DCLK1: variants seen among roughly 807,000 people sequenced by gnomAD.
The protein encoded by DCLK1 is serine/threonine-protein kinase DCLK1.
Under a neutral mutation model 86.2 loss-of-function variants are expected in DCLK1, and 16 were observed. The observed-to-expected ratio is 0.19, with a 90% CI of 0.13 to 0.28. The LOEUF is 0.28. Ranked by LOEUF, DCLK1 falls within the 10% of genes least tolerant of loss-of-function variation. The pLI is 1.00. For missense variants in DCLK1, 590 were observed against 940.2 expected, an observed-to-expected ratio of 0.63 and a Z score of 4.87; for synonymous variants, 369 against 370.5, an observed-to-expected ratio of 1.00 and a Z score of 0.05.
intron 6 of DCLK1, chr13:35,847,613 T>G (rs1870273304): frequency 1.5e-6 from 1 of 688,604 alleles, no homozygotes; most frequent in South Asian, 7.0e-5. Flanking sequence ...TTCATTGTTT[T>G]TAAGCAAAAA....
chr13:35,831,288 CAT>C (rs1321843874), intron 8 of DCLK1, among the ~76,000 whole-genome samples: 1 of 152,060 alleles, frequency 6.6e-6, no homozygotes, highest in Non-Finnish European at 1.5e-5. Flanking sequence ...TAATAAAATC[CAT>C]AATAAAAGCC....
intron 6 of DCLK1, chr13:35,849,836 T>C: frequency 1.0e-6 from 1 of 983,986 alleles, no homozygotes. Context: ...TTGGAAAAAG[T>C]CCAGACACAA....
chr13:35,838,660 T>A (rs1869572328), intron 7 of DCLK1, among the ~76,000 whole-genome samples: 2 of 152,220 alleles, frequency 1.3e-5, no homozygotes, highest in African/African-American at 4.8e-5. Context: ...CCATATTTCA[T>A]GTATTGAGTT....
At chr13:36,050,210 A>C (rs1040817744) in intron 3 of DCLK1, among the ~76,000 whole-genome samples, 2 of 152,212 alleles carry the variant, frequency 1.3e-5, no homozygotes, top group East Asian at 3.8e-4. Flanking sequence ...GCCTATTAAT[A>C]GTTGATGTTT....
intron 4 of DCLK1, among the ~76,000 whole-genome samples, chr13:35,907,343 T>G (rs960033694): frequency 2.0e-5 from 3 of 152,086 alleles, no homozygotes; most frequent in Admixed American, 2.0e-4. Context: ...AAATTTTTTT[T>G]GTAGAGACAG....
intron 3 of DCLK1, among the ~76,000 whole-genome samples, chr13:36,091,208 A>G (rs927796370): frequency 3.9e-5 from 6 of 152,130 alleles, no homozygotes; most frequent in African/African-American, 7.2e-5. Flanking sequence ...CCATTTGTCA[A>G]TTCTGGCTTT....
At chr13:36,130,855 G>A (rs1302054748) in intron 1 of DCLK1, among the ~76,000 whole-genome samples, 1 of 152,308 alleles carries the variant, frequency 6.6e-6, no homozygotes, top group East Asian at 1.9e-4. Context: ...CCTGACTCCA[G>A]GTTTAAAGCC....
intron 3 of DCLK1, among the ~76,000 whole-genome samples, chr13:36,039,619 T>TTAC (rs1158787253): frequency 6.6e-6 from 1 of 152,016 alleles, no homozygotes; most frequent in African/African-American, 2.4e-5. Flanking sequence ...ATAGACAGGG[T>TTAC]TACTGTGCAC....
At chr13:35,976,118 A>G (rs541254895) in intron 3 of DCLK1, among the ~76,000 whole-genome samples, 41 of 152,278 alleles carry the variant, frequency 2.7e-4, no homozygotes, top group African/African-American at 9.4e-4. Context: ...CGGGGTTCCA[A>G]GCCAGCCCCA....
intron 4 of DCLK1, among the ~76,000 whole-genome samples, chr13:35,891,085 G>C (rs1455620649): frequency 6.6e-6 from 1 of 151,764 alleles, no homozygotes; most frequent in African/African-American, 2.4e-5. Flanking sequence ...ATTACTGTAA[G>C]GAGACTATCC....
chr13:35,802,099 T>C (rs995358445), intron 15 of DCLK1, among the ~76,000 whole-genome samples: 1 of 152,152 alleles, frequency 6.6e-6, no homozygotes, highest in African/African-American at 2.4e-5. Context: ...TATCAGACTT[T>C]GTTCCTAGAA....
At chr13:36,019,871 G>T (rs1881696716) in intron 3 of DCLK1, among the ~76,000 whole-genome samples, 1 of 152,128 alleles carries the variant, frequency 6.6e-6, no homozygotes, top group East Asian at 1.9e-4. Flanking sequence ...TATATGGTTT[G>T]TTTAGCCTTG....
At chr13:35,794,194 G>A (rs1039591657) in intron 15 of DCLK1, among the ~76,000 whole-genome samples, 3 of 152,146 alleles carry the variant, frequency 2.0e-5, no homozygotes, top group Admixed American at 2.0e-4. Flanking sequence ...ATAAGTATGT[G>A]CCACCACTTA....
chr13:35,874,331 A>G (rs915955990), intron 4 of DCLK1, among the ~76,000 whole-genome samples: 3 of 152,212 alleles, frequency 2.0e-5, no homozygotes, highest in Admixed American at 1.3e-4. Context: ...TATATGAAAT[A>G]CAGATGTTAT....
At chr13:35,811,834 GAA>G (rs796929367) in intron 11 of DCLK1, among the ~76,000 whole-genome samples, 1 of 138,458 alleles carries the variant, frequency 7.2e-6, no homozygotes, top group Admixed American at 7.2e-5. Context: ...AAATCTGTCT[GAA>G]AAAAAAAAAG....
intron 16 of DCLK1, among the ~76,000 whole-genome samples, chr13:35,788,575 C>T (rs907007605): frequency 6.6e-6 from 1 of 152,188 alleles, no homozygotes; most frequent in Non-Finnish European, 1.5e-5. Flanking sequence ...ATAAACACCT[C>T]TTCATATGCC....
At chr13:36,072,744 T>C (rs1246717188) in intron 3 of DCLK1, among the ~76,000 whole-genome samples, 1 of 152,198 alleles carries the variant, frequency 6.6e-6, no homozygotes, top group Admixed American at 6.5e-5. Context: ...GTCACAGCCA[T>C]ACACCCTGCA....
intron 3 of DCLK1, among the ~76,000 whole-genome samples, chr13:35,966,556 C>CA (rs1172697867): frequency 1.4e-5 from 2 of 139,146 alleles, no homozygotes; most frequent in Non-Finnish European, 3.1e-5. Flanking sequence ...TGATGCTGAG[C>CA]GGAGGCTGGA....
chr13:36,092,377 T>C (rs1420874993), intron 3 of DCLK1, among the ~76,000 whole-genome samples: 2 of 152,114 alleles, frequency 1.3e-5, no homozygotes, highest in Admixed American at 6.5e-5. Context: ...CAACGGCAAA[T>C]AGCTGAATAG....
Sources: gnomAD v4.1 joint callset for allele counts (sites outside exome capture counted in the v4.1 genomes callset) on GRCh38, gnomAD v4.1.1 for gene constraint, MANE v1.5 for transcripts, NCBI Gene and HGNC (gene_info 2026-07-23, HGNC 2026-07-21) for gene names.